ARMH3: variants seen among roughly 807,000 people sequenced by gnomAD.
ARMH3 encodes armadillo-like helical domain-containing protein 3.
ARMH3 carries 60 observed loss-of-function variants against 99.1 expected under a neutral mutation model. The observed-to-expected ratio is 0.61, with a 90% CI of 0.49 to 0.75. The LOEUF is 0.75. Among genes scored for constraint, ARMH3 ranks in the 30% least tolerant of loss-of-function variants. The probability of loss-of-function intolerance (pLI) is 0.00; values close to 1 mark genes in which losing one functional copy is unlikely to be tolerated. For missense variants in ARMH3, 679 were observed against 843.1 expected (o/e 0.81, Z 2.41); for synonymous variants, 285 against 292.8 (o/e 0.97, Z 0.27).
At chr10:101,986,791 T>A (rs1317852753) in intron 19 of ARMH3, among the ~76,000 whole-genome samples, 1 of 151,846 alleles carries the variant, frequency 6.6e-6, no homozygotes, top group Non-Finnish European at 1.5e-5. Context: ...GAGCTAGAAG[T>A]GGGGGAAGGA....
intron 24 of ARMH3, among the ~76,000 whole-genome samples, chr10:101,877,154 A>G (rs939824912): frequency 6.6e-6 from 1 of 152,272 alleles, no homozygotes; most frequent in South Asian, 2.1e-4. Flanking sequence ...AAAATAAAAA[A>G]TAGCCAGACG....
chr10:102,047,718 A>G (rs1293342665), intron 1 of ARMH3, among the ~76,000 whole-genome samples: 1 of 152,028 alleles, frequency 6.6e-6, no homozygotes, highest in Non-Finnish European at 1.5e-5. Context: ...AAAACTCCTG[A>G]GCTCAAGTGA....
intron 19 of ARMH3, among the ~76,000 whole-genome samples, chr10:101,975,841 C>G (rs576624555): frequency 1.1e-4 from 16 of 143,494 alleles, no homozygotes; most frequent in African/African-American, 3.9e-4. Context: ...GCCTGGGCAA[C>G]AGAGCGAGAT....
At chr10:102,027,676 C>T (rs1205193517) in intron 5 of ARMH3, among the ~76,000 whole-genome samples, 2 of 151,948 alleles carry the variant, frequency 1.3e-5, no homozygotes, top group African/African-American at 4.8e-5. Context: ...CATCAACATA[C>T]AAGCAGTAGT....
At chr10:102,052,541 G>A (rs1001339740) in intron 1 of ARMH3, among the ~76,000 whole-genome samples, 8 of 151,958 alleles carry the variant, frequency 5.3e-5, no homozygotes, top group Non-Finnish European at 1.2e-4. Context: ...CTTCATAAAG[G>A]AAGCCCAAAA....
chr10:101,922,672 G>C (rs185854459), intron 23 of ARMH3, among the ~76,000 whole-genome samples: 1 of 152,134 alleles, frequency 6.6e-6, no homozygotes, highest in Admixed American at 6.6e-5. Context: ...TAGGAAATTA[G>C]TTCAGATTAA....
chr10:101,960,109 C>T (rs1222328379), intron 20 of ARMH3, among the ~76,000 whole-genome samples: 3 of 151,814 alleles, frequency 2.0e-5, no homozygotes, highest in Non-Finnish European at 4.4e-5. Flanking sequence ...ACCCGGGAGG[C>T]GGAGGCTGCA....
At chr10:102,034,870 T>C (rs1460470241) in intron 2 of ARMH3, among the ~76,000 whole-genome samples, 1 of 151,712 alleles carries the variant, frequency 6.6e-6, no homozygotes, top group Non-Finnish European at 1.5e-5. Context: ...ATCATGCCAT[T>C]GCACTCCACC....
chr10:101,930,519 C>T (rs551464490), intron 23 of ARMH3, among the ~76,000 whole-genome samples: 105 of 152,184 alleles, frequency 6.9e-4, no homozygotes, highest in Non-Finnish European at 1.1e-3. Flanking sequence ...TACGTGTATT[C>T]ATTTTGGAGA....
intron 19 of ARMH3, among the ~76,000 whole-genome samples, chr10:101,985,062 C>A (rs1218508916): frequency 7.7e-6 from 1 of 130,510 alleles, no homozygotes; most frequent in Non-Finnish European, 1.6e-5. Context: ...AAAGAGACTC[C>A]ATCTAAAAAT....
chr10:101,874,982 G>A (rs1299962645), intron 24 of ARMH3, among the ~76,000 whole-genome samples: 2 of 152,118 alleles, frequency 1.3e-5, no homozygotes, highest in Non-Finnish European at 1.5e-5. Flanking sequence ...ACTCCATGAA[G>A]GCCTCAAGGG....
At chr10:102,021,391 T>C (rs1590195158) in intron 8 of ARMH3, among the ~76,000 whole-genome samples, 1 of 149,560 alleles carries the variant, frequency 6.7e-6, no homozygotes, top group South Asian at 2.1e-4. Context: ...TAGATTTTTT[T>C]TTTTTTTTAA....
intron 23 of ARMH3, among the ~76,000 whole-genome samples, chr10:101,918,965 A>G (rs1843197633): frequency 6.6e-6 from 1 of 152,228 alleles, no homozygotes; most frequent in African/African-American, 2.4e-5. Flanking sequence ...TAGGCATGGA[A>G]GGCTTAACCT....
At chr10:101,868,134 G>A (rs1371225037) in intron 24 of ARMH3, among the ~76,000 whole-genome samples, 1 of 152,164 alleles carries the variant, frequency 6.6e-6, no homozygotes, top group Non-Finnish European at 1.5e-5. Context: ...TGCAGATATG[G>A]ATCTTGGAGA....
intron 1 of ARMH3, among the ~76,000 whole-genome samples, chr10:102,049,891 C>T (rs368641307): frequency 6.6e-6 from 1 of 151,938 alleles, no homozygotes; most frequent in East Asian, 1.9e-4. Context: ...ATTACTTTGC[C>T]CAAAGTAACA....
chr10:101,889,444 C>T lies in ARMH3; in HGVS notation c.1828G>A (p.Val610Met), dbSNP rs2067632987. ...TCTGACAGTTGGGATATGTGATTCACAGCAGCGTAGGACTCAATTTTGGGG... is the reference window on the plus strand; with the variant it reads ...TCTGACAGTTGGGATATGTGATTCATAGCAGCGTAGGACTCAATTTTGGGG... ...FNPKIESYAAVNHISQLSEEQ... is the reference protein window; with the variant it reads ...FNPKIESYAAMNHISQLSEEQ... Residue 610 changes from valine (V) to methionine (M), a missense_variant, in exon 24 of 26, where the codon GTG (valine) becomes ATG (methionine). Physicochemically the swap from Val to Met is conservative, Grantham distance 21 (BLOSUM62 1). This residue lies in a region of ARMH3 where 389 missense variants were observed against 456.5 expected (regional missense o/e 0.85). Transcript: ENST00000370033. 6.2e-7 allele frequency: 1 copy of T among 1,613,906 alleles called. No homozygotes were observed. Among genetic ancestry groups the T allele is most frequent in the African/African-American group, 1.3e-5 (1 of 74,918 alleles).
At chr10:101,849,326 G>GGT (rs2066531989) in intron 25 of ARMH3, among the ~76,000 whole-genome samples, 1 of 152,360 alleles carries the variant, frequency 6.6e-6, no homozygotes, top group Admixed American at 6.5e-5. Context: ...AGTGCCCAAG[G>GGT]GTGGGGGCTG....
At chr10:101,876,462 C>A (rs962369393) in intron 24 of ARMH3, among the ~76,000 whole-genome samples, 1 of 152,102 alleles carries the variant, frequency 6.6e-6, no homozygotes, top group Non-Finnish European at 1.5e-5. Context: ...TTTGCCAGAC[C>A]TCATTTATCT....
chr10:102,032,352 C>A (rs764825433), intron 4 of ARMH3, among the ~76,000 whole-genome samples: 9 of 152,200 alleles, frequency 5.9e-5, no homozygotes, highest in Non-Finnish European at 1.0e-4. Context: ...GATCATGCCA[C>A]CTAACATAAA....
Sources: gnomAD v4.1 joint callset for allele counts (sites outside exome capture counted in the v4.1 genomes callset) on GRCh38, gnomAD v4.1.1 for gene constraint, gnomAD v4.1.1 regional missense constraint, MANE v1.5 for transcripts, NCBI Gene and HGNC (gene_info 2026-07-23, HGNC 2026-07-21) for gene names.